ESR1: variants seen among roughly 807,000 people sequenced by gnomAD.
The protein encoded by ESR1 is estrogen receptor 1, also known as estrogen receptor.
In ESR1, 12 loss-of-function variants were observed where a neutral mutation model predicts 52.7. That is an observed-to-expected ratio of 0.23 (90% CI 0.15 to 0.37). The LOEUF (loss-of-function observed/expected upper bound fraction) is 0.37, where lower values mean the gene tolerates loss of function less well. Ranked by LOEUF, ESR1 falls within the 10% of genes least tolerant of loss-of-function variation. The probability of loss-of-function intolerance (pLI) is 1.00; values close to 1 mark genes in which losing one functional copy is unlikely to be tolerated. For missense variants in ESR1, 584 were observed against 779.7 expected (o/e 0.75, Z 2.99); for synonymous variants, 305 against 316.8 (o/e 0.96, Z 0.39).
downstream of ESR1, among the ~76,000 whole-genome samples, chr6:152,104,876 T>G (rs1339922508): frequency 1.3e-5 from 2 of 152,158 alleles, no homozygotes; most frequent in African/African-American, 4.8e-5. Context: ...CCCTTTGACC[T>G]CTGGAGAGGC....
intron 2 of ESR1, among the ~76,000 whole-genome samples, chr6:151,707,509 AAT>A (rs1159233790): frequency 6.6e-6 from 1 of 152,052 alleles, no homozygotes; most frequent in Admixed American, 6.6e-5. Flanking sequence ...ACATGCATAA[AAT>A]AGATACACAG....
At chr6:152,082,958 A>G in intron 6 of ESR1, among the ~76,000 whole-genome samples, 1 of 152,220 alleles carries the variant, frequency 6.6e-6, no homozygotes, top group Non-Finnish European at 1.5e-5. Flanking sequence ...TCAACGAAAT[A>G]AAAGAGGACA....
intron 2 of ESR1, among the ~76,000 whole-genome samples, chr6:151,788,741 G>A (rs1170801470): frequency 2.0e-5 from 3 of 152,142 alleles, no homozygotes; most frequent in East Asian, 3.9e-4. Context: ...AGAAAATGTG[G>A]TACATATACA....
chr6:152,019,116 C>A (rs2043405759), intron 5 of ESR1, among the ~76,000 whole-genome samples: 1 of 152,112 alleles, frequency 6.6e-6, no homozygotes, highest in African/African-American at 2.4e-5. Flanking sequence ...AAACTGAGAC[C>A]AAAAGAAAGG....
chr6:151,831,080 G>A (rs375395846), intron 1 of ESR1, among the ~76,000 whole-genome samples: 1 of 151,400 alleles, frequency 6.6e-6, no homozygotes, highest in Non-Finnish European at 1.5e-5. Context: ...AATTAAATTA[G>A]CATTTCCCCT....
At position 152,061,238 on chromosome 6, in the gene ESR1, C is replaced by A; in HGVS notation, c.1369+114C>A. ...TAATGTCATAAATAGAAAGAAACTA[C>A]TGACACACGTTTTAAAATAACCTAC... On this transcript the variant is annotated intron_variant, in intron 6 of 7. Transcript: ENST00000206249. The surrounding 1 kb of genome is among the most constrained non-coding windows in gnomAD (Gnocchi z 4.3). The A allele has an allele frequency of 9.7e-7, 1 of 1,035,896 alleles. No individual in the cohort carries two copies. Among genetic ancestry groups the A allele is most frequent in the Non-Finnish European group, 1.5e-6 (1 of 670,910 alleles). The allele number at this position is 1,035,896 out of a possible 1,614,324, so 64.2% of individuals were successfully genotyped here.
chr6:151,879,522 G>A (rs1473603821), intron 2 of ESR1, among the ~76,000 whole-genome samples: 2 of 152,110 alleles, frequency 1.3e-5, no homozygotes, highest in Non-Finnish European at 2.9e-5. Context: ...GGACAGTCTC[G>A]CATGTGATCA....
At chr6:152,120,193 A>C (rs952327839) in intron 6 of ESR1, among the ~76,000 whole-genome samples, 1 of 152,170 alleles carries the variant, frequency 6.6e-6, no homozygotes, top group Non-Finnish European at 1.5e-5. Flanking sequence ...CCACGATGAC[A>C]CTCTTCATTG....
At chr6:151,680,898 C>T (rs528397491) in intron 1 of ESR1, among the ~76,000 whole-genome samples, 30 of 152,240 alleles carry the variant, frequency 2.0e-4, no homozygotes, top group Admixed American at 9.8e-4. Flanking sequence ...CTGTTCGAGT[C>T]GCTGGGTTTG....
chr6:152,106,449 A>G (rs2051068385), downstream of ESR1, among the ~76,000 whole-genome samples: 1 of 152,226 alleles, frequency 6.6e-6, no homozygotes, highest in Non-Finnish European at 1.5e-5. Context: ...TGGGTCTACT[A>G]GTAACGAATT....
chr6:151,712,902 C>G (rs1341663629), intron 2 of ESR1, among the ~76,000 whole-genome samples: 1 of 152,126 alleles, frequency 6.6e-6, no homozygotes, highest in Non-Finnish European at 1.5e-5. Flanking sequence ...AAGAGGATAT[C>G]CTTGTCTGGT....
intron 4 of ESR1, among the ~76,000 whole-genome samples, chr6:151,955,889 C>T (rs757892669): frequency 1.3e-5 from 2 of 151,972 alleles, no homozygotes; most frequent in Admixed American, 6.6e-5. Flanking sequence ...CCCTCCCTCA[C>T]GTAGGCCCAG....
upstream of ESR1, among the ~76,000 whole-genome samples, chr6:151,806,894 T>A (rs1760265746): frequency 6.6e-6 from 1 of 152,174 alleles, no homozygotes; most frequent in African/African-American, 2.4e-5. Flanking sequence ...ATGTGCGCCC[T>A]AACCAAAGGT....
rs546743006 is a variant in ESR1, at chr6:151,677,070, C to G, written n.73+20307C>G. Among the ~76,000 whole-genome samples, 28 of 152,304 alleles carry G rather than the reference C, an allele frequency of 1.8e-4. No individual in the cohort carries two copies. The South Asian group carries it at 5.8e-3, about 32-fold the overall frequency. On this transcript the variant is annotated intron_variant and non_coding_transcript_variant, in intron 1 of 2. Coordinates refer to the ESR1 transcript ENST00000473497. Reference sequence around the variant, plus strand: ...CTCACTCTGTCATCCAGGCTGATCTCAAACTCCTGAACTGAAGGGATCCTC... The same window carrying G: ...CTCACTCTGTCATCCAGGCTGATCTGAAACTCCTGAACTGAAGGGATCCTC...
chr6:151,875,473 G>A (rs968191146), intron 2 of ESR1, among the ~76,000 whole-genome samples: 3 of 152,180 alleles, frequency 2.0e-5, no homozygotes, highest in Admixed American at 1.3e-4. Context: ...CACTATGTGT[G>A]TGAGAATGCG....
In ESR1 at chr6:151,848,270, T is replaced by C. The variant is rs994859905; in HGVS notation, c.643+5483T>C. On this transcript the variant is annotated intron_variant, in intron 2 of 7. Transcript: ENST00000206249. ...GCATATTCTCACTCATAGGTGGGAA[T>C]TGAACAATGAGATCACTTGGACACA... Among the ~76,000 whole-genome samples the C allele has an allele frequency of 1.6e-4, 17 of 109,414 alleles. No individual in the cohort carries two copies. In the East Asian group the frequency reaches 3.4e-3, roughly 22 times the overall value. The allele number at this position is 109,414 out of a possible 152,430, so 71.8% of individuals were successfully genotyped here.
chr6:152,081,269 A>C (rs1307625294), intron 6 of ESR1, among the ~76,000 whole-genome samples: 1 of 152,196 alleles, frequency 6.6e-6, no homozygotes, highest in Non-Finnish European at 1.5e-5. Flanking sequence ...AGTCACAACA[A>C]ACTGTCTCTC....
intron 4 of ESR1, among the ~76,000 whole-genome samples, chr6:151,962,328 G>A (rs1225885472): frequency 6.6e-6 from 1 of 152,034 alleles, no homozygotes; most frequent in Admixed American, 6.6e-5. Context: ...ACCCAAGTGG[G>A]TTACCTAAGC....
At chr6:151,902,733 G>A (rs1349100403) in intron 3 of ESR1, among the ~76,000 whole-genome samples, 2 of 152,160 alleles carry the variant, frequency 1.3e-5, no homozygotes, top group Non-Finnish European at 2.9e-5. Flanking sequence ...GGCATGTAAA[G>A]CTTCTATTGT....
Sources: allele counts gnomAD v4.1 joint callset (sites outside exome capture counted in the v4.1 genomes callset), GRCh38; gene constraint gnomAD v4.1.1; non-coding constraint Gnocchi (gnomAD v3.1); transcripts MANE v1.5; gene names NCBI Gene and HGNC (gene_info 2026-07-23, HGNC 2026-07-21).